The following POLA1 variants were observed in gnomAD, a reference collection of about 807,000 sequenced individuals.
POLA1 encodes DNA polymerase alpha 1, catalytic subunit, also known as DNA polymerase alpha catalytic subunit.
Under a neutral mutation model 124.0 loss-of-function variants are expected in POLA1, and 15 were observed. The ratio of observed to expected loss-of-function variants is 0.12; its 90% CI spans 0.08 to 0.19. POLA1 has a LOEUF of 0.19. Among genes scored for constraint, POLA1 ranks in the 10% least tolerant of loss-of-function variants. The probability of loss-of-function intolerance (pLI) is 1.00; values close to 1 mark genes in which losing one functional copy is unlikely to be tolerated. For synonymous variants in POLA1, 408 were observed against 389.4 expected (o/e 1.05, Z -0.56); for missense variants, 886 against 1,103.4 (o/e 0.80, Z 2.79).
chrX:24,741,568 G>C, intron 21 of POLA1, 64 bp downstream of exon 21: 2 of 970,975 alleles, frequency 2.1e-6, no homozygotes, highest in Non-Finnish European at 2.9e-6. Context: ...GCTTGGGGTA[G>C]TTGTTATATG....
chrX:24,975,457 CA>C (rs35623863), intron 36 of POLA1, among the ~76,000 whole-genome samples: 18,752 of 100,966 alleles, frequency 0.19, 1,221 homozygotes, highest in South Asian at 0.43. Flanking sequence ...TCTTTCAAAA[CA>C]AAAAAAAAAA....
At chrX:24,906,761 G>A (rs2047372545) in intron 35 of POLA1, among the ~76,000 whole-genome samples, 2 of 111,847 alleles carry the variant, frequency 1.8e-5, no homozygotes, top group African/African-American at 3.2e-5. Context: ...AATAGAAGAT[G>A]TAAGGAAGAG....
At chrX:24,950,516 C>G (rs905581001) in intron 36 of POLA1, among the ~76,000 whole-genome samples, 1 of 112,024 alleles carries the variant, frequency 8.9e-6, no homozygotes, top group Non-Finnish European at 1.9e-5. Context: ...TAAAGTTCAT[C>G]AAAAGATTTC....
intron 35 of POLA1, among the ~76,000 whole-genome samples, chrX:24,918,756 G>T (rs897955275): frequency 9.0e-6 from 1 of 111,494 alleles, no homozygotes; most frequent in African/African-American, 3.3e-5. Context: ...GAGGGCCTCG[G>T]GCTGCTTCCT....
intron 4 of POLA1, among the ~76,000 whole-genome samples, chrX:24,709,242 G>T (rs1929113356): frequency 1.0e-5 from 1 of 99,723 alleles, no homozygotes; most frequent in Non-Finnish European, 2.0e-5. Flanking sequence ...CGGGCGGGGG[G>T]CTGACCCCCC....
chrX:24,839,809 C>T (rs759938737), intron 32 of POLA1, among the ~76,000 whole-genome samples: 135 of 112,169 alleles, frequency 1.2e-3, no homozygotes, highest in Non-Finnish European at 1.6e-3. Flanking sequence ...AGTGAAGCTG[C>T]TTTCTCATAA....
intron 34 of POLA1, among the ~76,000 whole-genome samples, chrX:24,858,533 C>T (rs2046676571): frequency 8.9e-6 from 1 of 112,120 alleles, no homozygotes; most frequent in Non-Finnish European, 1.9e-5. Context: ...GCCTAGCACT[C>T]CATGAGCAGG....
chrX:24,813,803 G>T (rs1367606144), intron 29 of POLA1, among the ~76,000 whole-genome samples: 1 of 85,953 alleles, frequency 1.2e-5, no homozygotes, highest in African/African-American at 4.9e-5. Context: ...AAAGAAGTGA[G>T]ACGCCGTCAA....
chrX:24,806,053 G>GTTTTTTTTTTTTTTTTTTTTTTTTTT (rs751012614), intron 26 of POLA1, among the ~76,000 whole-genome samples: 1 of 35,302 alleles, frequency 2.8e-5, no homozygotes, highest in African/African-American at 1.2e-4. Context: ...GTGGTATGAG[G>GTTTTTTTTTTTTTTTTTTTTTTTTTT]TTTTTTTTTT....
At chrX:24,733,120 C>T (rs1343657426) in intron 16 of POLA1, among the ~76,000 whole-genome samples, 1 of 111,913 alleles carries the variant, frequency 8.9e-6, no homozygotes, top group African/African-American at 3.3e-5. Flanking sequence ...ATTAACTTGG[C>T]GAGCCTCTCG....
Position 24,915,844 on chromosome X carries a change from A to G in POLA1, c.4165-14609A>G, listed in dbSNP as rs777386345. Among the ~76,000 whole-genome samples the G allele has an allele frequency of 7.8e-4, 88 of 112,104 alleles. 1 individual carries two copies. Among genetic ancestry groups the G allele is most frequent in the African/African-American group, 2.7e-3 (84 of 30,877 alleles). On this transcript the variant is annotated intron_variant, in intron 35 of 36. Coordinates refer to ENST00000379068, the MANE Select transcript of POLA1 (RefSeq NM_001330360.2). ...AGAAGTGAAGTGGCTAAGGCAGAAAAGGGGAAGAATGAGGACATGGATTAT... is the reference window on the plus strand; with the variant it reads ...AGAAGTGAAGTGGCTAAGGCAGAAAGGGGGAAGAATGAGGACATGGATTAT...
At chrX:24,853,179 A>G (rs1212674027) in intron 34 of POLA1, among the ~76,000 whole-genome samples, 1 of 112,345 alleles carries the variant, frequency 8.9e-6, no homozygotes, top group Non-Finnish European at 1.9e-5. Flanking sequence ...AGATTCTCTT[A>G]CTGACGAATG....
intron 30 of POLA1, among the ~76,000 whole-genome samples, chrX:24,816,800 G>T (rs2045994456): frequency 9.0e-6 from 1 of 110,858 alleles, no homozygotes; most frequent in Non-Finnish European, 1.9e-5. Flanking sequence ...TCTCCTTTAG[G>T]GTAGTGGGCC....
chrX:24,708,044 A>G (rs181842813), intron 4 of POLA1, among the ~76,000 whole-genome samples: 106 of 112,139 alleles, frequency 9.5e-4, no homozygotes, highest in African/African-American at 3.3e-3. Context: ...AATTAGCAGG[A>G]AAATGCAATA....
intron 26 of POLA1, among the ~76,000 whole-genome samples, chrX:24,773,798 A>C: frequency 8.9e-6 from 1 of 112,064 alleles, no homozygotes; most frequent in Admixed American, 9.4e-5. Context: ...CCATATTGCA[A>C]ATGAAATGTG....
At chrX:24,708,009 TATC>T (rs970384358) in intron 4 of POLA1, among the ~76,000 whole-genome samples, 1 of 111,265 alleles carries the variant, frequency 9.0e-6, no homozygotes, top group African/African-American at 3.3e-5. Context: ...TAGAGAAAAA[TATC>T]AACCAAGTCC....
chrX:24,777,118 C>T (rs764153300), intron 26 of POLA1, among the ~76,000 whole-genome samples: 2 of 112,287 alleles, frequency 1.8e-5, no homozygotes, highest in South Asian at 7.5e-4. Context: ...TGGTAATAGG[C>T]AGACTTACAT....
chrX:24,825,484 TGCTGAGCA>T (rs1349437293), intron 31 of POLA1, among the ~76,000 whole-genome samples: 4 of 112,258 alleles, frequency 3.6e-5, no homozygotes, highest in African/African-American at 1.3e-4. Flanking sequence ...TAATCAGTTC[TGCTGAGCA>T]GCTGAGCACT....
intron 34 of POLA1, among the ~76,000 whole-genome samples, chrX:24,879,469 C>T (rs371767091): frequency 4.0e-4 from 45 of 112,040 alleles, no homozygotes; most frequent in Non-Finnish European, 6.8e-4. Context: ...AAAATGCTTT[C>T]GGTTTCTCAT....
Sources: allele counts gnomAD v4.1 joint callset (sites outside exome capture counted in the v4.1 genomes callset), GRCh38; gene constraint gnomAD v4.1.1; transcripts MANE v1.5; gene names NCBI Gene and HGNC (gene_info 2026-07-23, HGNC 2026-07-21).